CTNNA2: variants seen among roughly 807,000 people sequenced by gnomAD.
The protein encoded by CTNNA2 is catenin alpha 2.
CTNNA2 carries 42 observed loss-of-function variants against 101.0 expected under a neutral mutation model. That is an observed-to-expected ratio of 0.42 (90% CI 0.32 to 0.54). CTNNA2 has a LOEUF of 0.54. CTNNA2 is among the 20% of genes least tolerant of loss of function. The probability of loss-of-function intolerance (pLI) is 0.14; values close to 1 mark genes in which losing one functional copy is unlikely to be tolerated. For missense variants in CTNNA2, 871 were observed against 1,223.1 expected (o/e 0.71, Z 4.29); for synonymous variants, 450 against 456.4 (o/e 0.99, Z 0.18).
chr2:79,374,379 A>C (rs553721161), intron 4 of CTNNA2, among the ~76,000 whole-genome samples: 2 of 152,318 alleles, frequency 1.3e-5, no homozygotes, highest in African/African-American at 4.8e-5. Flanking sequence ...GGGCGACTTC[A>C]TACTTAACTT....
At chr2:79,562,692 A>G (rs972995403) in intron 1 of CTNNA2, among the ~76,000 whole-genome samples, 2 of 152,124 alleles carry the variant, frequency 1.3e-5, no homozygotes, top group Non-Finnish European at 2.9e-5. Flanking sequence ...CGTGTGTAGC[A>G]TGAAAAGAAA....
intron 7 of CTNNA2, among the ~76,000 whole-genome samples, chr2:79,969,471 G>T (rs903876788): frequency 6.6e-6 from 1 of 152,180 alleles, no homozygotes; most frequent in South Asian, 2.1e-4. Flanking sequence ...TTTCAATAAC[G>T]CGGTTAAAAG....
chr2:79,730,003 C>T (rs1687102465), intron 2 of CTNNA2, among the ~76,000 whole-genome samples: 1 of 152,084 alleles, frequency 6.6e-6, no homozygotes, highest in Non-Finnish European at 1.5e-5. Flanking sequence ...TATGCAGCCA[C>T]ATCAGTTGTC....
intron 7 of CTNNA2, among the ~76,000 whole-genome samples, chr2:80,324,541 G>T (rs950568994): frequency 1.4e-4 from 21 of 152,176 alleles, no homozygotes; most frequent in Admixed American, 1.2e-3. Context: ...AAAAAGGTTT[G>T]GAGGACCTAG....
intron 2 of CTNNA2, among the ~76,000 whole-genome samples, chr2:79,734,964 A>G (rs1197861064): frequency 6.6e-6 from 1 of 152,146 alleles, no homozygotes; most frequent in African/African-American, 2.4e-5. Context: ...CCTCCCATTG[A>G]GGTAAGTGGT....
chr2:80,345,322 G>A (rs1343170265), intron 7 of CTNNA2, among the ~76,000 whole-genome samples: 1 of 152,142 alleles, frequency 6.6e-6, no homozygotes, highest in South Asian at 2.1e-4. Flanking sequence ...ATTTACATCT[G>A]CAGGTCCTTC....
chr2:79,406,287 A>G (rs1678341001), intron 4 of CTNNA2, among the ~76,000 whole-genome samples: 1 of 152,046 alleles, frequency 6.6e-6, no homozygotes, highest in African/African-American at 2.4e-5. Context: ...AGAAAAAGCT[A>G]TACCCAGAGC....
intron 4 of CTNNA2, among the ~76,000 whole-genome samples, chr2:79,419,453 A>G (rs994484495): frequency 6.6e-6 from 1 of 152,204 alleles, no homozygotes. Context: ...AGTGTTAGTT[A>G]TTAGAGAAAC....
At chr2:79,758,589 C>A (rs1399481242) in intron 3 of CTNNA2, among the ~76,000 whole-genome samples, 2 of 152,152 alleles carry the variant, frequency 1.3e-5, no homozygotes, top group Non-Finnish European at 2.9e-5. Context: ...CAGCTCTTGC[C>A]CCCTCCTTCC....
At chr2:79,910,596 T>C (rs2104327723) in intron 7 of CTNNA2, among the ~76,000 whole-genome samples, 1 of 152,346 alleles carries the variant, frequency 6.6e-6, no homozygotes, top group Middle Eastern at 3.4e-3. Context: ...GGGTTTGAGA[T>C]AATTTAGCAC....
chr2:79,289,069 C>A (rs1675713006), intron 2 of CTNNA2, among the ~76,000 whole-genome samples: 1 of 152,174 alleles, frequency 6.6e-6, no homozygotes, highest in African/African-American at 2.4e-5. Context: ...AACCAAATCA[C>A]ATTTTCCAAG....
At chr2:79,538,428 G>A (rs1460265705) in intron 1 of CTNNA2, among the ~76,000 whole-genome samples, 7 of 152,080 alleles carry the variant, frequency 4.6e-5, no homozygotes, top group Admixed American at 4.6e-4. Flanking sequence ...TGCAAACGTG[G>A]TATTTAGTTA....
In CTNNA2 at chr2:80,492,051, G is replaced by T. The variant is rs116554853; in HGVS notation, c.1291-52931G>T. On this transcript the variant is annotated intron_variant, in intron 9 of 18. Transcript: ENST00000402739. The stretch of plus-strand genomic sequence containing the variant: ...TGGAATTAGATGGTGATATGGTGTG[G>T]ATTTGTGTCCCCACCCAAATCTCAT... 4.3e-3 allele frequency among the ~76,000 whole-genome samples: 652 copies of T among 152,230 alleles called. 2 individuals carry two copies. Among genetic ancestry groups the T allele is most frequent in the Non-Finnish European group, 6.7e-3 (458 of 68,006 alleles).
chr2:79,499,119 C>G (rs774179659), intron 4 of CTNNA2: 1 of 152,152 alleles, frequency 6.6e-6, no homozygotes, highest in Non-Finnish European at 1.5e-5. Context: ...TTTTCTATAA[C>G]TGCATAACAA....
intron 18 of CTNNA2, among the ~76,000 whole-genome samples, chr2:80,635,106 G>T (rs903540794): frequency 6.6e-6 from 1 of 152,104 alleles, no homozygotes; most frequent in South Asian, 2.1e-4. Flanking sequence ...TAATAGAATG[G>T]TTACAACTCA....
chr2:80,043,434 GTGATCCACC>G (rs1696311971), intron 7 of CTNNA2, among the ~76,000 whole-genome samples: 1 of 152,026 alleles, frequency 6.6e-6, no homozygotes, highest in Admixed American at 6.6e-5. Flanking sequence ...CTGACCTCAA[GTGATCCACC>G]TGTCTCGGCC....
At chr2:79,656,048 C>T (rs1681592211) in intron 2 of CTNNA2, among the ~76,000 whole-genome samples, 1 of 152,048 alleles carries the variant, frequency 6.6e-6, no homozygotes, top group African/African-American at 2.4e-5. Context: ...TCCTTCCAGT[C>T]CCCTATCTAT....
intron 7 of CTNNA2, among the ~76,000 whole-genome samples, chr2:80,211,541 A>T (rs761419859): frequency 6.6e-6 from 1 of 152,150 alleles, no homozygotes; most frequent in Non-Finnish European, 1.5e-5. Context: ...GTGTAGTATT[A>T]TTTATGAGGG....
intron 1 of CTNNA2, among the ~76,000 whole-genome samples, chr2:79,600,608 TATAA>T (rs1677490743): frequency 6.6e-6 from 1 of 151,974 alleles, no homozygotes; most frequent in African/African-American, 2.4e-5. Flanking sequence ...ACGTAGAAAA[TATAA>T]ATAACAATGA....
Sources: gnomAD v4.1 joint callset for allele counts (sites outside exome capture counted in the v4.1 genomes callset) on GRCh38, gnomAD v4.1.1 for gene constraint, MANE v1.5 for transcripts, NCBI Gene and HGNC (gene_info 2026-07-23, HGNC 2026-07-21) for gene names.